PCDH15: variants seen among roughly 807,000 people sequenced by gnomAD.
PCDH15 encodes the protein protocadherin related 15, also known as protocadherin-15.
In PCDH15, 129 loss-of-function variants were observed where a neutral mutation model predicts 178.5. The observed-to-expected ratio is 0.72, with a 90% CI of 0.63 to 0.84. The LOEUF is 0.84. PCDH15 is among the 40% of genes least tolerant of loss of function. The pLI is 0.00. For synonymous variants in PCDH15, 800 were observed against 732.0 expected (o/e 1.09, Z -1.50); for missense variants, 2,230 against 2,099.9 (o/e 1.06, Z -1.21).
At chr10:54,657,976 A>G (rs531964488) in intron 2 of PCDH15, among the ~76,000 whole-genome samples, 1 of 152,348 alleles carries the variant, frequency 6.6e-6, no homozygotes, top group East Asian at 1.9e-4. Context: ...ATAGAACTTC[A>G]TGTATTGAAA....
At chr10:54,216,562 T>C (rs1485515705) in intron 9 of PCDH15, among the ~76,000 whole-genome samples, 2 of 152,156 alleles carry the variant, frequency 1.3e-5, no homozygotes, top group Non-Finnish European at 2.9e-5. Context: ...CTTATCTCGA[T>C]ACATAAGAAG....
intron 18 of PCDH15, among the ~76,000 whole-genome samples, chr10:54,062,009 G>A (rs961989387): frequency 1.1e-4 from 17 of 151,884 alleles, no homozygotes; most frequent in Non-Finnish European, 1.0e-4. Context: ...CAGATCACCT[G>A]AGGTCAGAAG....
intron 26 of PCDH15, among the ~76,000 whole-genome samples, chr10:53,888,310 G>GTATATATATATATATA: frequency 3.5e-5 from 1 of 28,710 alleles, no homozygotes; most frequent in South Asian, 1.8e-3. Context: ...ATATATATAT[G>GTATATATATATATATA]TATATATGTA....
chr10:55,048,023 C>A (rs142063357), intron 2 of PCDH15, among the ~76,000 whole-genome samples: 3 of 151,702 alleles, frequency 2.0e-5, no homozygotes, highest in Non-Finnish European at 4.4e-5. Flanking sequence ...TTTAAATAAG[C>A]GTATTTTACA....
chr10:53,892,886 T>G (rs1281149253), intron 26 of PCDH15, among the ~76,000 whole-genome samples: 3 of 152,336 alleles, frequency 2.0e-5, no homozygotes, highest in Admixed American at 6.5e-5. Context: ...GATTTTTTTG[T>G]AATCATCTGT....
intron 34 of PCDH15, among the ~76,000 whole-genome samples, chr10:53,816,786 T>A (rs542879883): frequency 3.3e-5 from 5 of 152,196 alleles, no homozygotes; most frequent in Admixed American, 6.5e-5. Flanking sequence ...CATTTCTTCT[T>A]CTTACCAAAG....
chr10:54,651,546 G>T (rs1253806687), intron 2 of PCDH15, among the ~76,000 whole-genome samples: 2 of 152,142 alleles, frequency 1.3e-5, no homozygotes, highest in Admixed American at 1.3e-4. Context: ...ATCCATGGGG[G>T]AATGTATTAT....
rs2075826405 is a variant in PCDH15 at position 53,810,540 on chromosome 10, A to AAATT, written c.4671+12_4671+15dup. The AAATT allele has an allele frequency of 6.2e-7, 1 of 1,601,032 alleles. No homozygotes were observed. The highest frequency in any genetic ancestry group is 8.6e-7 in the Non-Finnish European group (1 of 1,169,014). Reference sequence around the variant, plus strand: ...TCTTGGAATATTATCTTACATAATAAAATTACAGTAATTACCTCTTCCTCC... The same window carrying AAATT: ...TCTTGGAATATTATCTTACATAATAAAATTAATTACAGTAATTACCTCTTCCTCC... On this transcript the variant is annotated intron_variant, in intron 37 of 37. Transcript: ENST00000644397.
At chr10:53,841,997 C>T (rs2077683271) in intron 28 of PCDH15, among the ~76,000 whole-genome samples, 2 of 148,920 alleles carry the variant, frequency 1.3e-5, no homozygotes, top group African/African-American at 4.9e-5. Flanking sequence ...AATGGATGTA[C>T]TGAGAGACAC....
chr10:55,467,889 C>A (rs1035673395), intron 2 of PCDH15, among the ~76,000 whole-genome samples: 17 of 144,538 alleles, frequency 1.2e-4, no homozygotes, highest in Non-Finnish European at 2.1e-4. Context: ...ACTGCTTGAA[C>A]CTGGGAGGTG....
At chr10:55,266,412 C>T (rs1842295274) in intron 1 of PCDH15, among the ~76,000 whole-genome samples, 1 of 152,164 alleles carries the variant, frequency 6.6e-6, no homozygotes, top group Admixed American at 6.5e-5. Flanking sequence ...AGATGTACCT[C>T]TTCAGAGGGG....
chr10:54,216,824 A>T (rs2134139946), intron 9 of PCDH15, among the ~76,000 whole-genome samples: 1 of 152,300 alleles, frequency 6.6e-6, no homozygotes, highest in East Asian at 1.9e-4. Flanking sequence ...CGGAAGATAA[A>T]TGACCACCTA....
intron 3 of PCDH15, among the ~76,000 whole-genome samples, chr10:54,827,044 G>A (rs1370630263): frequency 1.3e-5 from 2 of 152,072 alleles, no homozygotes; most frequent in African/African-American, 4.8e-5. Context: ...TGCATGCCAG[G>A]AACCTGGTTC....
At chr10:54,752,617 ATTC>A (rs2133010019) in intron 1 of PCDH15, among the ~76,000 whole-genome samples, 1 of 152,154 alleles carries the variant, frequency 6.6e-6, no homozygotes, top group African/African-American at 2.4e-5. Context: ...GCATGAATAT[ATTC>A]AACTCAGTGA....
At chr10:53,973,346 C>T (rs1021829298) in intron 21 of PCDH15, among the ~76,000 whole-genome samples, 12 of 151,416 alleles carry the variant, frequency 7.9e-5, no homozygotes, top group Non-Finnish European at 1.2e-4. Context: ...ATGTAAATCT[C>T]GAGTTAATGG....
intron 2 of PCDH15, among the ~76,000 whole-genome samples, chr10:54,974,514 T>C (rs1390748874): frequency 2.0e-5 from 3 of 151,732 alleles, no homozygotes; most frequent in African/African-American, 7.3e-5. Context: ...AATGTATAGA[T>C]ATATAATATA....
chr10:53,831,465 A>T lies in PCDH15; in HGVS notation c.4052T>A (p.Ile1351Asn). The stretch of plus-strand genomic sequence containing the variant: ...TGCCTCTGGAGTCCGGATCTCCAGA[A>T]TGCGTCCTCCTTCCCCATAATACGG... Reference protein sequence around the residue: ...FQPYYGEGGRILEIRTPEAVT... With the variant: ...FQPYYGEGGRNLEIRTPEAVT... The change falls in exon 30 of 38, where the codon ATT becomes AAT. Residue 1351 changes from isoleucine (I) to asparagine (N), a missense_variant. Ile to Asn is a moderately radical substitution (Grantham distance 149). Transcript: ENST00000644397. The T allele has an allele frequency of 6.2e-7, 1 of 1,614,194 alleles. No homozygotes were observed. Among genetic ancestry groups the T allele is most frequent in the Non-Finnish European group, 8.5e-7 (1 of 1,180,024 alleles).
intron 15 of PCDH15, among the ~76,000 whole-genome samples, chr10:54,092,559 A>G (rs2094617191): frequency 6.6e-6 from 1 of 152,180 alleles, no homozygotes; most frequent in Non-Finnish European, 1.5e-5. Context: ...ATGTTAGTCA[A>G]AATCCAAAAT....
chr10:54,927,903 T>C (rs2131849995), intron 2 of PCDH15, among the ~76,000 whole-genome samples: 1 of 152,240 alleles, frequency 6.6e-6, no homozygotes, highest in Non-Finnish European at 1.5e-5. Context: ...TGCCACTCTG[T>C]GCCTTTTAAT....
Sources: gnomAD v4.1 joint callset for allele counts (sites outside exome capture counted in the v4.1 genomes callset) on GRCh38, gnomAD v4.1.1 for gene constraint, MANE v1.5 for transcripts, NCBI Gene and HGNC (gene_info 2026-07-23, HGNC 2026-07-21) for gene names.